Variants in PSMD7 observed in about 807,000 individuals in gnomAD.
PSMD7 encodes 26S proteasome non-ATPase regulatory subunit 7.
Under a neutral mutation model 36.4 loss-of-function variants are expected in PSMD7, and 13 were observed. The ratio of observed to expected loss-of-function variants is 0.36; its 90% confidence interval spans 0.23 to 0.57. The LOEUF (loss-of-function observed/expected upper bound fraction) is 0.57. Among genes scored for constraint, PSMD7 ranks in the 20% least tolerant of loss-of-function variants. The pLI, the probability that PSMD7 is intolerant of heterozygous loss-of-function variation, is 0.83. For synonymous variants in PSMD7, 186 were observed against 151.0 expected (o/e 1.23, Z -1.70); for missense variants, 298 against 393.6 (o/e 0.76, Z 2.06).
rs1257878174 is a variant in PSMD7 at position 74,305,603 on chromosome 16, A to C, written c.845A>C (p.Asn282Thr). 6.2e-7 allele frequency: 1 copy of C among 1,601,558 alleles called. No homozygotes were observed. Among genetic ancestry groups the C allele is most frequent in the Non-Finnish European group, 8.6e-7 (1 of 1,169,560 alleles). ...LHNLINNKIANRDAEKKEGQE... is the reference protein window; with the variant it reads ...LHNLINNKIATRDAEKKEGQE... Reference sequence around the variant, plus strand: ...AACCTCATCAACAACAAGATTGCCAACCGGGATGCAGAGAAGAAAGAAGGG... The same window carrying C: ...AACCTCATCAACAACAAGATTGCCACCCGGGATGCAGAGAAGAAAGAAGGG... Residue 282 changes from asparagine to threonine, a missense_variant, in exon 7 of 7, where the codon AAC becomes ACC. Transcript: ENST00000219313.
Position 74,301,142 on chromosome 16 carries a change from A to G in PSMD7, c.257A>G (p.Asn86Ser). The G allele has an allele frequency of 1.9e-6, 3 of 1,597,978 alleles. No individual in the cohort carries two copies. Among genetic ancestry groups the G allele is most frequent in the Non-Finnish European group, 2.6e-6 (3 of 1,166,780 alleles). The part of the protein sequence containing the change: ...ENMYGMFKKV[N>S]ARERIVGWYH... Reference sequence around the variant, plus strand: ...ATGTATGGAATGTTTAAGAAAGTCAATGGTATGTCTTGATGTTCTAAGGTG... The same window carrying G: ...ATGTATGGAATGTTTAAGAAAGTCAGTGGTATGTCTTGATGTTCTAAGGTG... Residue 86 changes from asparagine to serine, a missense_variant and splice_region_variant, in exon 3 of 7, where the codon AAT becomes AGT. By Grantham distance (46) the Asn-to-Ser change is conservative (BLOSUM62 1). Transcript: ENST00000219313.
In PSMD7 at chr16:74,305,778, C is replaced by A; in HGVS notation, c.*45C>A. 1.4e-6 allele frequency: 2 copies of A among 1,407,656 alleles called. No individual in the cohort carries two copies. The highest frequency in any genetic ancestry group is 2.6e-5 in the East Asian group (1 of 39,212). The allele number at this position is 1,407,656 out of a possible 1,614,324, so 87.2% of individuals were successfully genotyped here. On this transcript the variant is annotated 3_prime_UTR_variant, in exon 7 of 7. Transcript: ENST00000219313. ...TTTTAATTTGTAAATTAAAATCTTACAAACTAAATCAGTGTGCTGCTAGAG... is the reference window on the plus strand; with the variant it reads ...TTTTAATTTGTAAATTAAAATCTTAAAAACTAAATCAGTGTGCTGCTAGAG...
chr16:74,303,807 C>CA (rs2034174528), intron 5 of PSMD7, among the ~76,000 whole-genome samples: 1 of 151,994 alleles, frequency 6.6e-6, no homozygotes, highest in East Asian at 1.9e-4. Flanking sequence ...CTGCACCCTC[C>CA]ACCTCCCAGG....
chr16:74,297,179 G>A (rs1207023823), intron 1 of PSMD7, among the ~76,000 whole-genome samples, 191 bp downstream of exon 1: 2 of 152,234 alleles, frequency 1.3e-5, no homozygotes, highest in Non-Finnish European at 2.9e-5. Flanking sequence ...CCCTGCCCCA[G>A]CCGCCGCCAC....
chr16:74,301,459 G>A (rs1478588829), intron 3 of PSMD7, 96 bp from the exon 4 acceptor site: 1 of 914,494 alleles, frequency 1.1e-6, no homozygotes, highest in African/African-American at 1.7e-5. Context: ...TTTCAAAGAG[G>A]TAAAGGACAT....
chr16:74,299,309 A>G (rs1195354355), intron 1 of PSMD7, among the ~76,000 whole-genome samples: 1 of 152,220 alleles, frequency 6.6e-6, no homozygotes, highest in Non-Finnish European at 1.5e-5. Flanking sequence ...TCCTTAGGAG[A>G]AAATGACTGA....
intron 5 of PSMD7, among the ~76,000 whole-genome samples, chr16:74,302,521 G>A (rs953462572): frequency 6.6e-6 from 1 of 152,144 alleles, no homozygotes; most frequent in Non-Finnish European, 1.5e-5. Context: ...GGCCGAGGTG[G>A]GAGGATTGCC....
chr16:74,300,870 G>C (rs987629021), intron 2 of PSMD7, among the ~76,000 whole-genome samples, 182 bp from the exon 3 acceptor site: 1 of 152,178 alleles, frequency 6.6e-6, no homozygotes, highest in East Asian at 1.9e-4. Flanking sequence ...AGAGAAGCTG[G>C]AAGTCTGGAT....
rs1225117011 is a variant in PSMD7, at chr16:74,296,889, A to G, written c.-26A>G. The G allele has an allele frequency of 6.2e-7, 1 of 1,611,574 alleles. No individual in the cohort carries two copies. Among genetic ancestry groups the G allele is most frequent in the Non-Finnish European group, 8.5e-7 (1 of 1,179,284 alleles). On this transcript the variant is annotated 5_prime_UTR_variant, in exon 1 of 7. Coordinates refer to ENST00000219313, the MANE Select transcript of PSMD7 (RefSeq NM_002811.5). ...CGGTGTTTGCGTGTGGCAGGGAGCC[A>G]GGCCTGGCGAGCGGGGTGTGTCGCG...
intron 5 of PSMD7, 83 bp from the exon 6 acceptor site, chr16:74,304,219 AG>A (rs2034178217): frequency 8.0e-7 from 1 of 1,244,092 alleles, no homozygotes; most frequent in African/African-American, 1.5e-5. Flanking sequence ...GCTGACTTAA[AG>A]CAAAAGACTC....
At position 74,296,995 on chromosome 16, in the gene PSMD7, G is replaced by A. The variant is rs2034118224; in HGVS notation, c.74+7G>A. 1.9e-6 allele frequency: 3 copies of A among 1,610,750 alleles called. No homozygotes were observed. The highest frequency in any genetic ancestry group is 2.5e-6 in the Non-Finnish European group (3 of 1,179,052). The stretch of plus-strand genomic sequence containing the variant: ...TGGTGGATCATTTCAACCGGTGAGC[G>A]AGCGCCCTATAGCTGGGCCGGCGGC... On this transcript the variant is annotated splice_region_variant and intron_variant, in intron 1 of 6. Coordinates refer to ENST00000219313, the MANE Select transcript of PSMD7 (RefSeq NM_002811.5).
At chr16:74,297,127 AC>A in intron 1 of PSMD7, 139 bp downstream of exon 1, 1 of 892,532 alleles carries the variant, frequency 1.1e-6, no homozygotes, top group Non-Finnish European at 1.7e-6. Flanking sequence ...ACGAGTCCAG[AC>A]CAGCGTCGGC....
intron 1 of PSMD7, among the ~76,000 whole-genome samples, chr16:74,297,521 T>A (rs2034123164): frequency 6.6e-6 from 1 of 151,344 alleles, no homozygotes; most frequent in African/African-American, 2.4e-5. Flanking sequence ...GATGTCTGGA[T>A]GATGCTTGGG....
rs781726127 is a variant in PSMD7 at position 74,301,143 on chromosome 16, T to C, written c.258T>C (p.Asn86=). 1.1e-5 allele frequency: 17 copies of C among 1,594,394 alleles called. No individual in the cohort carries two copies. The South Asian group carries it at 1.9e-4, about 18-fold the overall frequency. Residue 86 remains asparagine, a splice_region_variant and synonymous_variant, in exon 3 of 7, where the codon AAT becomes AAC. Transcript: ENST00000219313. ...TGTATGGAATGTTTAAGAAAGTCAA[T>C]GGTATGTCTTGATGTTCTAAGGTGT... is the stretch of plus-strand genomic sequence containing the variant. The part of the protein sequence containing the change: ...ENMYGMFKKV[N]ARERIVGWYH...
chr16:74,296,907 G>A lies in PSMD7; in HGVS notation c.-8G>A. The A allele has an allele frequency of 6.2e-7, 1 of 1,613,032 alleles. No individual in the cohort carries two copies. The highest frequency in any genetic ancestry group is 8.5e-7 in the Non-Finnish European group (1 of 1,179,736). On this transcript the variant is annotated 5_prime_UTR_variant, in exon 1 of 7. In the 5' UTR this introduces an upstream ATG that the reference lacks. Transcript: ENST00000219313. ...GGGAGCCAGGCCTGGCGAGCGGGGT[G>A]TGTCGCGATGCCGGAGCTGGCAGTG...
Position 74,301,033 on chromosome 16 carries a change from C to CT in PSMD7, c.167-10dup, listed in dbSNP as rs772759169. The CT allele has an allele frequency of 1.6e-4, 254 of 1,541,800 alleles. No homozygotes were observed. The highest frequency in any genetic ancestry group is 1.9e-4 in the Non-Finnish European group (213 of 1,118,018). On this transcript the variant is annotated intron_variant, in intron 2 of 6. Transcript: ENST00000219313. ...GTTTCTATCAAGCACCCTAAACTAA[C>CT]TTTTTTTTTCCTCTTTAGTTCCTTT...
chr16:74,299,848 A>G (rs1239099943), intron 1 of PSMD7: 3 of 520,968 alleles, frequency 5.8e-6, no homozygotes, highest in East Asian at 6.4e-5. Flanking sequence ...TTCATTTTAA[A>G]TTTCTGTGAA....
intron 6 of PSMD7, 155 bp downstream of exon 6, chr16:74,304,549 A>G (rs1196022878): frequency 3.6e-6 from 2 of 562,246 alleles, no homozygotes; most frequent in Non-Finnish European, 6.4e-6. Context: ...CCCTTTCCAG[A>G]CCTTTGTTTT....
In PSMD7 at chr16:74,302,302, C is replaced by G; in HGVS notation, c.438+10C>G. 6.2e-7 allele frequency: 1 copy of G among 1,611,480 alleles called. No individual in the cohort carries two copies. Among genetic ancestry groups the G allele is most frequent in the African/African-American group, 1.3e-5 (1 of 74,946 alleles). ...GGAAGAAGTCCATGATGTAAGTCATCTTGCTATGAACCTGGGAGGTTAGAC... is the reference window on the plus strand; with the variant it reads ...GGAAGAAGTCCATGATGTAAGTCATGTTGCTATGAACCTGGGAGGTTAGAC... On this transcript the variant is annotated intron_variant, in intron 5 of 6. Coordinates refer to ENST00000219313, the MANE Select transcript of PSMD7 (RefSeq NM_002811.5).
Sources: allele counts gnomAD v4.1 joint callset (sites outside exome capture counted in the v4.1 genomes callset), GRCh38; gene constraint gnomAD v4.1.1; transcripts MANE v1.5; gene names NCBI Gene and HGNC (gene_info 2026-07-23, HGNC 2026-07-21).